PLCB4: variants seen among roughly 807,000 people sequenced by gnomAD.
PLCB4 encodes the protein 1-phosphatidylinositol 4,5-bisphosphate phosphodiesterase beta-4.
In PLCB4, 77 loss-of-function variants were observed where a neutral mutation model predicts 178.8. The observed-to-expected ratio is 0.43, with a 90% CI of 0.36 to 0.52. The LOEUF (loss-of-function observed/expected upper bound fraction) is 0.52, where lower values mean the gene tolerates loss of function less well. Among genes scored for constraint, PLCB4 ranks in the 20% least tolerant of loss-of-function variants. The probability of loss-of-function intolerance (pLI) is 0.00; values close to 1 mark genes in which losing one functional copy is unlikely to be tolerated. For missense variants in PLCB4, 1,024 were observed against 1,453.4 expected (o/e 0.70, Z 4.80); for synonymous variants, 496 against 490.8 (o/e 1.01, Z -0.14).
At chr20:9,456,256 C>T (rs537816701) in intron 33 of PLCB4, among the ~76,000 whole-genome samples, 1 of 152,326 alleles carries the variant, frequency 6.6e-6, no homozygotes, top group Non-Finnish European at 1.5e-5. Flanking sequence ...TTTCCCCTTA[C>T]TCTTACCTAC....
chr20:9,340,923 A>G (rs1038424822), intron 7 of PLCB4, among the ~76,000 whole-genome samples: 3 of 152,154 alleles, frequency 2.0e-5, no homozygotes, highest in Admixed American at 1.3e-4. Context: ...AGGATGACAG[A>G]GGCCAAGAAT....
intron 24 of PLCB4, 52 bp downstream of exon 24, chr20:9,409,233 A>G (rs753170621): frequency 6.6e-7 from 1 of 1,504,278 alleles, no homozygotes; most frequent in South Asian, 1.3e-5. Context: ...CTTTGACAGG[A>G]TGGTGCCAGC....
chr20:9,387,012 C>T (rs952549891), intron 14 of PLCB4, among the ~76,000 whole-genome samples: 4 of 151,772 alleles, frequency 2.6e-5, no homozygotes, highest in Non-Finnish European at 5.9e-5. Context: ...ATGCCTTAGC[C>T]TCCCAGGTAG....
intron 21 of PLCB4, among the ~76,000 whole-genome samples, chr20:9,407,226 T>C (rs2039509146): frequency 6.6e-6 from 1 of 152,176 alleles, no homozygotes; most frequent in Non-Finnish European, 1.5e-5. Flanking sequence ...GGCCCAGGAA[T>C]CTGTTCTAGT....
intron 2 of PLCB4, among the ~76,000 whole-genome samples, chr20:9,158,278 T>G (rs1422866480): frequency 6.6e-6 from 1 of 152,110 alleles, no homozygotes; most frequent in Non-Finnish European, 1.5e-5. Context: ...CTCACTTTTT[T>G]TTTTTGAGAC....
intron 1 of PLCB4, among the ~76,000 whole-genome samples, chr20:9,094,208 G>A (rs542665915): frequency 1.3e-5 from 2 of 152,130 alleles, no homozygotes; most frequent in African/African-American, 4.8e-5. Flanking sequence ...GTGTTCCTAT[G>A]TTGATGTTAC....
chr20:9,389,178 T>C (rs979714996), intron 15 of PLCB4, among the ~76,000 whole-genome samples: 1 of 152,146 alleles, frequency 6.6e-6, no homozygotes, highest in African/African-American at 2.4e-5. Context: ...TCATGGAGAA[T>C]AGTGAAAGGG....
At chr20:9,429,226 A>C (rs898182974) in intron 28 of PLCB4, among the ~76,000 whole-genome samples, 12 of 152,164 alleles carry the variant, frequency 7.9e-5, no homozygotes, top group African/African-American at 2.4e-4. Flanking sequence ...GGCCACCTAC[A>C]TGGGTTCTGC....
chr20:9,330,558 G>A (rs925195558), intron 4 of PLCB4, among the ~76,000 whole-genome samples: 1 of 152,190 alleles, frequency 6.6e-6, no homozygotes, highest in African/African-American at 2.4e-5. Context: ...TTGAATTTCA[G>A]GTTTGTTACT....
At chr20:9,344,137 C>T (rs1423404692) in intron 7 of PLCB4, among the ~76,000 whole-genome samples, 3 of 152,162 alleles carry the variant, frequency 2.0e-5, no homozygotes, top group Non-Finnish European at 4.4e-5. Context: ...TCCCCACCTC[C>T]CTTCCCCTTT....
chr20:9,355,237 A>C, intron 7 of PLCB4, among the ~76,000 whole-genome samples: 1 of 152,144 alleles, frequency 6.6e-6, no homozygotes, highest in East Asian at 1.9e-4. Context: ...CTCCTAATTC[A>C]AATGAAATGA....
At chr20:9,283,266 A>G (rs1280243178) in intron 3 of PLCB4, among the ~76,000 whole-genome samples, 1 of 151,978 alleles carries the variant, frequency 6.6e-6, no homozygotes, top group Non-Finnish European at 1.5e-5. Context: ...GAGGATGACA[A>G]ATAAATAAAG....
chr20:9,297,043 GGA>G (rs2094645066), intron 3 of PLCB4, among the ~76,000 whole-genome samples: 1 of 151,802 alleles, frequency 6.6e-6, no homozygotes, highest in Admixed American at 6.6e-5. Flanking sequence ...CTTTTACTCT[GGA>G]GCATATTTAT....
chr20:9,443,688 A>ATTCTTT (rs2042240656), intron 30 of PLCB4, among the ~76,000 whole-genome samples: 1 of 151,974 alleles, frequency 6.6e-6, no homozygotes, highest in East Asian at 1.9e-4. Context: ...GCCCTGCTCC[A>ATTCTTT]CTTCTTTCAT....
chr20:9,282,076 C>G (rs2094499161), intron 3 of PLCB4, among the ~76,000 whole-genome samples: 1 of 151,894 alleles, frequency 6.6e-6, no homozygotes, highest in African/African-American at 2.4e-5. Flanking sequence ...ACAGTAGGAG[C>G]TATAAACAGG....
intron 2 of PLCB4, among the ~76,000 whole-genome samples, chr20:9,201,235 A>G (rs1378309413): frequency 6.6e-6 from 1 of 152,192 alleles, no homozygotes; most frequent in Non-Finnish European, 1.5e-5. Context: ...TCCCTTTGCA[A>G]TTAAATTTAA....
intron 2 of PLCB4, among the ~76,000 whole-genome samples, chr20:9,100,922 C>T (rs1032673399): frequency 3.9e-5 from 6 of 152,206 alleles, no homozygotes; most frequent in African/African-American, 7.2e-5. Context: ...TAGAATGCTA[C>T]GGTGTGTCGC....
At chr20:9,144,755 G>A (rs1348748033) in intron 2 of PLCB4, among the ~76,000 whole-genome samples, 3 of 90,168 alleles carry the variant, frequency 3.3e-5, no homozygotes, top group African/African-American at 1.3e-4. Flanking sequence ...GGAGGGGAAG[G>A]AGGGGAAGGA....
chr20:9,442,848 G>A (rs1023817616), intron 30 of PLCB4, among the ~76,000 whole-genome samples: 3 of 152,090 alleles, frequency 2.0e-5, no homozygotes, highest in South Asian at 2.1e-4. Flanking sequence ...TTCCTTCTGC[G>A]GCCTGACCAC....
Sources: allele counts gnomAD v4.1 joint callset (sites outside exome capture counted in the v4.1 genomes callset), GRCh38; gene constraint gnomAD v4.1.1; transcripts MANE v1.5; gene names NCBI Gene and HGNC (gene_info 2026-07-23, HGNC 2026-07-21).